IPO8: variants seen among roughly 807,000 people sequenced by gnomAD.
The protein encoded by IPO8 is importin 8.
IPO8 carries 65 observed loss-of-function variants against 141.2 expected under a neutral mutation model. That is an observed-to-expected ratio of 0.46 (90% CI 0.38 to 0.57). The LOEUF is 0.57. Ranked by LOEUF, IPO8 falls within the 20% of genes least tolerant of loss-of-function variation. The pLI is 0.00. For synonymous variants in IPO8, 411 were observed against 420.3 expected (o/e 0.98, Z 0.27); for missense variants, 980 against 1,246.8 (o/e 0.79, Z 3.22).
Position 30,639,645 on chromosome 12 carries a change from T to C in IPO8, c.2359A>G (p.Ile787Val). 6.2e-7 allele frequency: 1 copy of C among 1,614,084 alleles called. No individual in the cohort carries two copies. The highest frequency in any genetic ancestry group is 8.5e-7 in the Non-Finnish European group (1 of 1,179,990). Residue 787 changes from isoleucine to valine, a missense_variant, in exon 21 of 25, where the codon ATT becomes GTT. Coordinates refer to ENST00000256079, the MANE Select transcript of IPO8 (RefSeq NM_006390.4). ...ELRTMCLQVA[I>V]AALYYNPDLL... ...TCAGGGTTGTAGTACAAGGCAGCAA[T>C]TGCAACCTGAAGACACATAGTACGA...
rs1449313796 is a variant in IPO8 at position 30,680,629 on chromosome 12, T to C, written c.492A>G (p.Lys164=). 1.2e-6 allele frequency: 2 copies of C among 1,609,602 alleles called. No individual in the cohort carries two copies. Among genetic ancestry groups the C allele is most frequent in the Admixed American group, 1.7e-5 (1 of 59,680 alleles). Residue 164 remains lysine (K), a synonymous_variant, in exon 5 of 25, where the codon AAA becomes AAG. Transcript: ENST00000256079. The part of the protein sequence containing the change: ...YQLVKTYEYK[K]AEEREPLIIA... ...TTATAAGAGGTTCTCTCTCTTCTGC[T>C]TTCTTATATCTACATGAGCAAAGAC...
At chr12:30,684,205 T>C in intron 3 of IPO8, 96 bp downstream of exon 3, 2 of 1,068,408 alleles carry the variant, frequency 1.9e-6, no homozygotes, top group Non-Finnish European at 2.7e-6. Context: ...CTTTAGAAAA[T>C]GAAACATGAG....
intron 22 of IPO8, among the ~76,000 whole-genome samples, chr12:30,635,148 T>C (rs904962883): frequency 2.6e-5 from 4 of 152,156 alleles, no homozygotes; most frequent in Non-Finnish European, 5.9e-5. Flanking sequence ...GAATGGTGGT[T>C]ACCAGAGGCT....
chr12:30,691,460 G>A (rs1161540868), intron 1 of IPO8, among the ~76,000 whole-genome samples: 1 of 152,228 alleles, frequency 6.6e-6, no homozygotes. Flanking sequence ...CTGCTCCTGA[G>A]TTTGGCGATG....
intron 14 of IPO8, among the ~76,000 whole-genome samples, chr12:30,662,939 C>A (rs2052909290): frequency 6.6e-6 from 1 of 152,194 alleles, no homozygotes; most frequent in South Asian, 2.1e-4. Context: ...AATCCTCCCA[C>A]TGAAACATTG....
chr12:30,673,411 G>A (rs1025637090), intron 8 of IPO8, among the ~76,000 whole-genome samples: 1 of 152,142 alleles, frequency 6.6e-6, no homozygotes, highest in Non-Finnish European at 1.5e-5. Flanking sequence ...TGGCAACACT[G>A]ATCAACCAAT....
chr12:30,694,856 T>C (rs2053322020), intron 1 of IPO8: 5 of 369,054 alleles, frequency 1.4e-5, no homozygotes, highest in South Asian at 1.0e-4. Flanking sequence ...TCATTAAAAT[T>C]TTGAAGTGTG....
At chr12:30,663,045 C>T (rs541846189) in intron 14 of IPO8, among the ~76,000 whole-genome samples, 144 of 152,208 alleles carry the variant, frequency 9.5e-4, no homozygotes, top group African/African-American at 3.3e-3. Context: ...ACAAATGAGA[C>T]GTCTGTTATC....
rs748899741 is a variant in IPO8 at position 30,695,056 on chromosome 12, C to T, written c.84+508G>A. The stretch of plus-strand genomic sequence containing the variant: ...AGAGCACTCTCCCAACAGCACTGCC[C>T]AGCGCTCCGCAAAACTCGGCCAATC... On this transcript the variant is annotated intron_variant, in intron 1 of 24. Transcript: ENST00000256079. This position sits in a 1 kb window ranked among gnomAD's most constrained non-coding sequence, Gnocchi z 4.2. 2.0e-5 allele frequency: 9 copies of T among 455,508 alleles called. No homozygotes were observed. The highest frequency in any genetic ancestry group is 4.0e-5 in the Non-Finnish European group (9 of 227,186). The allele number at this position is 455,508 out of a possible 1,614,324, so 28.2% of individuals were successfully genotyped here. A position where few individuals can be genotyped will look rare whatever the true frequency, so the allele number is the denominator to read the frequency against.
intron 2 of IPO8, among the ~76,000 whole-genome samples, chr12:30,685,698 G>T (rs952213903): frequency 1.3e-5 from 2 of 151,266 alleles, no homozygotes; most frequent in Admixed American, 6.6e-5. Context: ...GCCGAGGCGG[G>T]CGGATCACCT....
rs980114952 is a variant in IPO8 at position 30,662,219 on chromosome 12, G to C, written c.1755+108C>G. 117 of 808,180 alleles carry C rather than the reference G, an allele frequency of 1.4e-4. 1 individual carries two copies. Among genetic ancestry groups the C allele is most frequent in the Non-Finnish European group, 1.1e-4 (54 of 501,438 alleles). The allele number at this position is 808,180 out of a possible 1,614,324, so 50.1% of individuals were successfully genotyped here. ...GCAATCTGTCATTGACTGAAATGTT[G>C]TTAAGCAGCACATGACTGTACAAAT... is the stretch of plus-strand genomic sequence containing the variant. On this transcript the variant is annotated intron_variant, in intron 15 of 24. Coordinates refer to ENST00000256079, the MANE Select transcript of IPO8 (RefSeq NM_006390.4).
At chr12:30,664,552 A>G (rs1310354544) in intron 13 of IPO8, among the ~76,000 whole-genome samples, 1 of 152,202 alleles carries the variant, frequency 6.6e-6, no homozygotes, top group Non-Finnish European at 1.5e-5. Flanking sequence ...TACCTAATAT[A>G]CTGAAAATCA....
At chr12:30,656,588 G>T in intron 17 of IPO8, 96 bp downstream of exon 17, 1 of 617,182 alleles carries the variant, frequency 1.6e-6, no homozygotes, top group Non-Finnish European at 2.8e-6. Flanking sequence ...TCTCAAAATT[G>T]TCCATCTTGT....
chr12:30,677,163 A>G (rs1227205908), intron 5 of IPO8: 3 of 1,144,202 alleles, frequency 2.6e-6, no homozygotes, highest in Middle Eastern at 2.0e-4. Flanking sequence ...CGAAGCTTAC[A>G]CTCTAACTGG....
chr12:30,677,024 A>C lies in IPO8; in HGVS notation c.640-437T>G, dbSNP rs1402232789. On this transcript the variant is annotated intron_variant, in intron 5 of 24. Coordinates refer to ENST00000256079, the MANE Select transcript of IPO8 (RefSeq NM_006390.4). Reference sequence around the variant, plus strand: ...GCATAATAACTACAGTCCACTTTGTACTAAACAGATATATGGCTCACCTCT... The same window carrying C: ...GCATAATAACTACAGTCCACTTTGTCCTAAACAGATATATGGCTCACCTCT... 4 of 1,528,228 alleles carry C rather than the reference A, an allele frequency of 2.6e-6. No individual in the cohort carries two copies. In the East Asian group the frequency reaches 9.9e-5, roughly 38 times the overall value. The allele number at this position is 1,528,228 out of a possible 1,614,324, so 94.7% of individuals were successfully genotyped here.
At chr12:30,638,823 C>T (rs545632428) in intron 21 of IPO8, among the ~76,000 whole-genome samples, 10 of 152,240 alleles carry the variant, frequency 6.6e-5, no homozygotes, top group East Asian at 1.9e-4. Context: ...CCCACCACCA[C>T]GCCCTGCTAG....
intron 7 of IPO8, 109 bp from the exon 8 acceptor site, chr12:30,674,183 A>C: frequency 1.5e-6 from 1 of 652,730 alleles, no homozygotes; most frequent in Admixed American, 2.7e-5. Context: ...ACTGGGACAG[A>C]AAACTAACAC....
chr12:30,649,331 C>A (rs1439019945), intron 19 of IPO8, 99 bp from the exon 20 acceptor site: 19 of 773,800 alleles, frequency 2.5e-5, no homozygotes, highest in East Asian at 5.5e-5. Flanking sequence ...GCCATAGGAA[C>A]CACAGCTTTG....
chr12:30,682,031 G>A (rs550980245), intron 3 of IPO8, among the ~76,000 whole-genome samples: 5 of 152,204 alleles, frequency 3.3e-5, no homozygotes, highest in African/African-American at 1.2e-4. Context: ...TAAAATGAAT[G>A]AAACCTTTCA....
Sources: gnomAD v4.1 joint callset for allele counts (sites outside exome capture counted in the v4.1 genomes callset) on GRCh38, gnomAD v4.1.1 for gene constraint, Gnocchi (gnomAD v3.1) non-coding constraint, MANE v1.5 for transcripts, NCBI Gene and HGNC (gene_info 2026-07-23, HGNC 2026-07-21) for gene names.